The following PIKFYVE variants were observed in gnomAD, a reference collection of about 807,000 sequenced individuals.
The protein encoded by PIKFYVE is phosphoinositide kinase, FYVE-type zinc finger containing.
In PIKFYVE, 122 loss-of-function variants were observed where a neutral mutation model predicts 257.9. That is an observed-to-expected ratio of 0.47 (90% confidence interval 0.41 to 0.55). The LOEUF (loss-of-function observed/expected upper bound fraction) is 0.55. Ranked by LOEUF, PIKFYVE falls within the 20% of genes least tolerant of loss-of-function variation. The probability of loss-of-function intolerance (pLI) is 0.00; values close to 1 mark genes in which losing one functional copy is unlikely to be tolerated. For missense variants in PIKFYVE, 2,160 were observed against 2,536.6 expected (o/e 0.85, Z 3.19); for synonymous variants, 892 against 868.9 (o/e 1.03, Z -0.47).
At chr2:208,311,934 A>G (rs1252162099) in intron 12 of PIKFYVE, among the ~76,000 whole-genome samples, 2 of 152,230 alleles carry the variant, frequency 1.3e-5, no homozygotes, top group African/African-American at 4.8e-5. Context: ...TTTAATTTTC[A>G]TAAACCGGTT....
At chr2:208,297,399 G>A (rs1300986272) in intron 7 of PIKFYVE, among the ~76,000 whole-genome samples, 1 of 152,042 alleles carries the variant, frequency 6.6e-6, no homozygotes, top group African/African-American at 2.4e-5. Flanking sequence ...ATTGCTTATC[G>A]GCTATTTGAT....
intron 36 of PIKFYVE, 85 bp downstream of exon 36, chr2:208,350,168 CTAAA>C: frequency 2.6e-6 from 4 of 1,559,742 alleles, no homozygotes; most frequent in Non-Finnish European, 3.5e-6. Flanking sequence ...TAGCTTCATA[CTAAA>C]TAAATGTCCC....
chr2:208,316,922 C>G (rs1695594298), intron 15 of PIKFYVE, among the ~76,000 whole-genome samples: 1 of 152,186 alleles, frequency 6.6e-6, no homozygotes, highest in African/African-American at 2.4e-5. Flanking sequence ...GGAAAACTGC[C>G]TAACCATATG....
At position 208,336,125 on chromosome 2, in the gene PIKFYVE, A is replaced by G. The variant is rs1281311909; in HGVS notation, c.4445A>G (p.Gln1482Arg). ...TCTTCCTCTGTAGATACCCCTCAGCAACTGCAGTCGGTCTTTGAGTCACTC... is the reference window on the plus strand; with the variant it reads ...TCTTCCTCTGTAGATACCCCTCAGCGACTGCAGTCGGTCTTTGAGTCACTC... ...LMSSSVDTPQ[Q>R]LQSVFESLIA... The change falls in exon 27 of 42, where the codon CAA (glutamine) becomes CGA (arginine). Residue 1482 changes from glutamine (Q) to arginine (R), a missense_variant. This residue lies in a region of PIKFYVE where 699 missense variants were observed against 855.8 expected (regional missense o/e 0.82). Coordinates refer to ENST00000264380, the MANE Select transcript of PIKFYVE (RefSeq NM_015040.4). 7 of 1,614,006 alleles carry G rather than the reference A, an allele frequency of 4.3e-6. No individual in the cohort carries two copies. Among genetic ancestry groups the G allele is most frequent in the Non-Finnish European group, 5.1e-6 (6 of 1,179,984 alleles).
At chr2:208,339,362 G>A in intron 29 of PIKFYVE, 56 bp from the exon 30 acceptor site, 5 of 1,587,508 alleles carry the variant, frequency 3.1e-6, no homozygotes, top group East Asian at 4.5e-5. Flanking sequence ...AAAATATTAG[G>A]TAGACATGGA....
intron 36 of PIKFYVE, 83 bp from the exon 37 acceptor site, chr2:208,350,688 C>A: frequency 6.8e-7 from 1 of 1,465,070 alleles, no homozygotes; most frequent in Non-Finnish European, 9.5e-7. Context: ...TTGCATTTGG[C>A]CAGGGTAGGG....
rs138550916 is a variant in PIKFYVE, at chr2:208,357,638, T to A, written c.*2333T>A. 6.6e-6 allele frequency: 1 copy of A among 152,228 alleles called. No individual in the cohort carries two copies. Among genetic ancestry groups the A allele is most frequent in the Non-Finnish European group, 1.5e-5 (1 of 68,026 alleles). 9.4% of individuals were successfully genotyped at this position (152,228 alleles called of 1,614,324 possible). A position where few individuals can be genotyped will look rare whatever the true frequency, so the allele number is the denominator to read the frequency against. ...GGACAGTATTAATGAAGGGGAAATA[T>A]ACAATTTATTTCTATTGAGTGGTAG... On this transcript the variant is annotated 3_prime_UTR_variant, in exon 42 of 42. Coordinates refer to ENST00000264380, the MANE Select transcript of PIKFYVE (RefSeq NM_015040.4).
chr2:208,313,961 G>C (rs2125450033), intron 13 of PIKFYVE, among the ~76,000 whole-genome samples: 1 of 152,230 alleles, frequency 6.6e-6, no homozygotes, highest in South Asian at 2.1e-4. Context: ...CATTTTATTT[G>C]CTTTTCAGAA....
At position 208,266,345 on chromosome 2, in the gene PIKFYVE, T is replaced by C; in HGVS notation, c.-80T>C. 6.6e-6 allele frequency: 1 copy of C among 152,212 alleles called. No individual in the cohort carries two copies. The highest frequency in any genetic ancestry group is 1.5e-5 in the Non-Finnish European group (1 of 68,144). The allele number at this position is 152,212 out of a possible 1,614,324, so 9.4% of individuals were successfully genotyped here. A position where few individuals can be genotyped will look rare whatever the true frequency, so the allele number is the denominator to read the frequency against. ...CCACCGCCGCTCTCGGGGGCCGACT[T>C]CCGGGGGCTGAGCCGTTGAAGCGGA... On this transcript the variant is annotated 5_prime_UTR_variant, in exon 1 of 42. Transcript: ENST00000264380.
chr2:208,330,419 A>T lies in PIKFYVE; in HGVS notation c.3792-104A>T, dbSNP rs555114577. On this transcript the variant is annotated intron_variant, in intron 22 of 41. Transcript: ENST00000264380. ...TGTTCAGCTGCAGGCTCAGAGCAGC[A>T]TGAGTACCTTGTGCAGATTGTTCAC... is the stretch of plus-strand genomic sequence containing the variant. 2.2e-6 allele frequency: 3 copies of T among 1,360,730 alleles called. No homozygotes were observed. The East Asian group carries it at 6.9e-5, about 31-fold the overall frequency. 84.3% of individuals were successfully genotyped at this position (1,360,730 alleles called of 1,614,324 possible).
intron 40 of PIKFYVE, 114 bp from the exon 41 acceptor site, chr2:208,354,457 G>A: frequency 9.8e-7 from 1 of 1,018,388 alleles, no homozygotes; most frequent in Non-Finnish European, 1.5e-6. Flanking sequence ...CACATTGTTA[G>A]CACTCAATAA....
At position 208,305,143 on chromosome 2, in the gene PIKFYVE, A is replaced by G. The variant is rs1015514807; in HGVS notation, c.1636+130A>G. The stretch of plus-strand genomic sequence containing the variant: ...GGGTATTTGGTGTGGGTTTTGTTCT[A>G]CCCTTTCTCATTTCTCCCACACCTC... On this transcript the variant is annotated intron_variant, in intron 12 of 41. Coordinates refer to ENST00000264380, the MANE Select transcript of PIKFYVE (RefSeq NM_015040.4). 8 of 1,544,376 alleles carry G rather than the reference A, an allele frequency of 5.2e-6. No homozygotes were observed. The African/African-American group carries it at 5.5e-5, about 11-fold the overall frequency.
At chr2:208,271,297 A>G (rs1689386617) in intron 1 of PIKFYVE, among the ~76,000 whole-genome samples, 1 of 152,216 alleles carries the variant, frequency 6.6e-6, no homozygotes, top group African/African-American at 2.4e-5. Context: ...TGAGTTGGCT[A>G]TCAGATCATA....
At chr2:208,341,519 A>G (rs1287774040) in intron 31 of PIKFYVE, among the ~76,000 whole-genome samples, 1 of 152,098 alleles carries the variant, frequency 6.6e-6, no homozygotes, top group Admixed American at 6.5e-5. Context: ...ATGAATTACC[A>G]TAGACTGAGT....
rs1700221813 is a variant in PIKFYVE at position 208,357,443 on chromosome 2, C to T, written c.*2138C>T. Reference sequence around the variant, plus strand: ...TAGCAGGAATGCTCCACAGGAATGGCTTCTGACAATAATCTGTCCTGTTGA... The same window carrying T: ...TAGCAGGAATGCTCCACAGGAATGGTTTCTGACAATAATCTGTCCTGTTGA... On this transcript the variant is annotated 3_prime_UTR_variant, in exon 42 of 42. Transcript: ENST00000264380. 1 of 152,212 alleles carries T rather than the reference C, an allele frequency of 6.6e-6. No homozygotes were observed. Among genetic ancestry groups the T allele is most frequent in the East Asian group, 1.9e-4 (1 of 5,202 alleles). 9.4% of individuals were successfully genotyped at this position (152,212 alleles called of 1,614,324 possible). A position where few individuals can be genotyped will look rare whatever the true frequency, so the allele number is the denominator to read the frequency against.
rs554325286 is a variant in PIKFYVE at position 208,357,367 on chromosome 2, C to G, written c.*2062C>G. 1 of 152,188 alleles carries G rather than the reference C, an allele frequency of 6.6e-6. No homozygotes were observed. Among genetic ancestry groups the G allele is most frequent in the African/African-American group, 2.4e-5 (1 of 41,456 alleles). 9.4% of individuals were successfully genotyped at this position (152,188 alleles called of 1,614,324 possible). On this transcript the variant is annotated 3_prime_UTR_variant, in exon 42 of 42. Coordinates refer to ENST00000264380, the MANE Select transcript of PIKFYVE (RefSeq NM_015040.4). ...GCACTTGAAGTACAAGGTGTCTCCC[C>G]CTAGGTGCAATTAGGTTGTTTCTTT...
At chr2:208,315,954 C>T (rs1409065710) in intron 15 of PIKFYVE, among the ~76,000 whole-genome samples, 1 of 150,630 alleles carries the variant, frequency 6.6e-6, no homozygotes, top group Non-Finnish European at 1.5e-5. Flanking sequence ...ATACATGTGC[C>T]ATGCTGGTGT....
At chr2:208,338,663 G>A (rs995739068) in intron 29 of PIKFYVE, 95 bp downstream of exon 29, 1 of 1,235,228 alleles carries the variant, frequency 8.1e-7, no homozygotes, top group Non-Finnish European at 1.2e-6. Context: ...TTTTTCCGAT[G>A]CTGTTGTTCA....
chr2:208,347,730 G>GTA (rs1699362504), intron 34 of PIKFYVE, 129 bp from the exon 35 acceptor site: 1 of 810,454 alleles, frequency 1.2e-6, no homozygotes. Context: ...GCAAACAAAA[G>GTA]TATTTGCATT....
Sources: allele counts gnomAD v4.1 joint callset (sites outside exome capture counted in the v4.1 genomes callset), GRCh38; gene constraint gnomAD v4.1.1; regional missense constraint gnomAD v4.1.1; transcripts MANE v1.5; gene names NCBI Gene and HGNC (gene_info 2026-07-23, HGNC 2026-07-21).